SNX27: variants seen among roughly 807,000 people sequenced by gnomAD.
SNX27 encodes the protein sorting nexin-27.
A neutral mutation model predicts 71.6 loss-of-function variants in SNX27; 22 were observed. The observed-to-expected ratio is 0.31, with a 90% CI of 0.22 to 0.44. The LOEUF (loss-of-function observed/expected upper bound fraction) is 0.44. SNX27 is among the 20% of genes least tolerant of loss of function. SNX27 has a pLI of 1.00. For missense variants in SNX27, 531 were observed against 698.6 expected, an observed-to-expected ratio of 0.76 and a Z score of 2.70; for synonymous variants, 269 against 277.2, an observed-to-expected ratio of 0.97 and a Z score of 0.29.
intron 1 of SNX27, among the ~76,000 whole-genome samples, chr1:151,630,501 T>C (rs964168726): frequency 1.3e-5 from 2 of 152,198 alleles, no homozygotes; most frequent in African/African-American, 2.4e-5. Flanking sequence ...TCTCTTGTTG[T>C]GCTTTTATCA....
chr1:151,695,244 C>G lies in SNX27; in HGVS notation c.*827C>G, dbSNP rs1671648694. 6.6e-6 allele frequency: 1 copy of G among 152,006 alleles called. No homozygotes were observed. Among genetic ancestry groups the G allele is most frequent in the Non-Finnish European group, 1.5e-5 (1 of 67,976 alleles). 9.4% of individuals were successfully genotyped at this position (152,006 alleles called of 1,614,324 possible). ...TTGATTCTGTGACAATTTTTTTGAT[C>G]CATCTATTTCTCTCACTCCTGGCTT... On this transcript the variant is annotated 3_prime_UTR_variant, in exon 12 of 12. Transcript: ENST00000458013.
intron 1 of SNX27, among the ~76,000 whole-genome samples, chr1:151,626,080 G>A (rs531037308): frequency 1.3e-4 from 20 of 152,200 alleles, no homozygotes; most frequent in Admixed American, 4.6e-4. Context: ...AGTGAGCCGA[G>A]ATGGCGCCAC....
chr1:151,656,707 C>T (rs1045327903), intron 2 of SNX27, among the ~76,000 whole-genome samples: 2 of 152,164 alleles, frequency 1.3e-5, no homozygotes, highest in Non-Finnish European at 2.9e-5. Flanking sequence ...AATCCAGAAA[C>T]AACCCAAGTG....
intron 7 of SNX27, chr1:151,676,006 T>A (rs58983661): frequency 0.19 from 28,448 of 149,112 alleles, 3,067 homozygotes; most frequent in Middle Eastern, 0.34. Context: ...TTTACTTTTT[T>A]AAAAAAATAG....
chr1:151,688,592 A>C (rs949788449), intron 8 of SNX27, among the ~76,000 whole-genome samples: 1 of 150,142 alleles, frequency 6.7e-6, no homozygotes, highest in African/African-American at 2.5e-5. Context: ...AGATCATGCC[A>C]CTGCACTCCA....
At chr1:151,620,254 T>C (rs1667611023) in intron 1 of SNX27, among the ~76,000 whole-genome samples, 1 of 152,242 alleles carries the variant, frequency 6.6e-6, no homozygotes, top group Admixed American at 6.5e-5. Flanking sequence ...TTTTTCTCTT[T>C]ATGAGCTCAG....
intron 1 of SNX27, among the ~76,000 whole-genome samples, chr1:151,624,579 C>T (rs1667835499): frequency 6.6e-6 from 1 of 151,046 alleles, no homozygotes; most frequent in Non-Finnish European, 1.5e-5. Flanking sequence ...CTATAGGCAC[C>T]TGCCAGCACG....
chr1:151,678,561 A>G (rs1418575046), intron 7 of SNX27: 2 of 152,130 alleles, frequency 1.3e-5, no homozygotes, highest in Non-Finnish European at 2.9e-5. Flanking sequence ...TGCTGTGAAC[A>G]TGGGTGTGCA....
At chr1:151,644,957 A>G (rs2102646673) in intron 2 of SNX27, among the ~76,000 whole-genome samples, 1 of 151,944 alleles carries the variant, frequency 6.6e-6, no homozygotes, top group East Asian at 1.9e-4. Flanking sequence ...GCGCTACCAC[A>G]CCTGGCTAAT....
Position 151,693,491 on chromosome 1 carries a change from T to C in SNX27, c.1578+8T>C. 1 of 1,614,126 alleles carries C rather than the reference T, an allele frequency of 6.2e-7. No homozygotes were observed. Among genetic ancestry groups the C allele is most frequent in the Non-Finnish European group, 8.5e-7 (1 of 1,179,936 alleles). On this transcript the variant is annotated splice_region_variant and intron_variant, in intron 11 of 11. Transcript: ENST00000458013. The stretch of plus-strand genomic sequence containing the variant: ...CTCAAGTGGAGAAAAGAGGTAATTC[T>C]GAACAGTCCTTGAATTGACCTTTTC...
intron 3 of SNX27, chr1:151,659,692 A>G (rs1669870388): frequency 6.6e-6 from 1 of 151,836 alleles, no homozygotes; most frequent in South Asian, 2.1e-4. Context: ...AGTGCCTCCA[A>G]ATGATACATC....
intron 7 of SNX27, chr1:151,675,816 T>G (rs1442676539): frequency 1.1e-4 from 5 of 46,022 alleles, no homozygotes; most frequent in Non-Finnish European, 1.5e-4. Flanking sequence ...CTTTCTTTTT[T>G]TTTTTTTTTT....
chr1:151,616,770 T>A (rs1667443455), intron 1 of SNX27, among the ~76,000 whole-genome samples: 1 of 152,216 alleles, frequency 6.6e-6, no homozygotes, highest in African/African-American at 2.4e-5. Flanking sequence ...AAAGGAAATT[T>A]GTTTGGCAGC....
At chr1:151,679,207 A>T (rs960103631) in intron 7 of SNX27, 3 of 152,200 alleles carry the variant, frequency 2.0e-5, no homozygotes, top group Non-Finnish European at 4.4e-5. Flanking sequence ...CCATTATTTT[A>T]TGTATTGATA....
Position 151,692,432 on chromosome 1 carries a change from T to TTTTTTACC in SNX27, c.1240-3_1240-2insTTTTTACC. Reference sequence around the variant, plus strand: ...TTTTTTTTTTTTTTTTTTTTTTTTTTAGTACCTCAACATGCTAAGGACTTG... The same window carrying TTTTTTACC: ...TTTTTTTTTTTTTTTTTTTTTTTTTTTTTTTACCAGTACCTCAACATGCTAAGGACTTG... On this transcript the variant is annotated splice_polypyrimidine_tract_variant and splice_region_variant and intron_variant, in intron 8 of 11. Transcript: ENST00000458013. 6.9e-7 allele frequency: 1 copy of TTTTTTACC among 1,452,072 alleles called. No homozygotes were observed. The highest frequency in any genetic ancestry group is 9.1e-7 in the Non-Finnish European group (1 of 1,101,930). The allele number at this position is 1,452,072 out of a possible 1,614,324, so 89.9% of individuals were successfully genotyped here.
intron 2 of SNX27, among the ~76,000 whole-genome samples, chr1:151,652,671 A>G (rs150548161): frequency 6.6e-6 from 1 of 151,896 alleles, no homozygotes; most frequent in Non-Finnish European, 1.5e-5. Flanking sequence ...TCGACCTCCC[A>G]AAGTGCTGGA....
At chr1:151,662,358 A>C (rs1014761124) in intron 5 of SNX27, 88 bp downstream of exon 5, 7 of 757,738 alleles carry the variant, frequency 9.2e-6, no homozygotes, top group Non-Finnish European at 1.5e-5. Flanking sequence ...TAAAGTGCTT[A>C]GGGTGTCTGG....
chr1:151,667,380 A>C (rs181450506), intron 6 of SNX27: 24 of 152,308 alleles, frequency 1.6e-4, no homozygotes, highest in African/African-American at 5.3e-4. Flanking sequence ...CATTACTCAG[A>C]AGACAGTTTT....
At chr1:151,652,214 G>GAGAGGA (rs1361869785) in intron 2 of SNX27, among the ~76,000 whole-genome samples, 1 of 106,094 alleles carries the variant, frequency 9.4e-6, no homozygotes, top group Non-Finnish European at 2.0e-5. Context: ...TGGGGAGAGG[G>GAGAGGA]AGAGGGAGAG....
Sources: gnomAD v4.1 joint callset for allele counts (sites outside exome capture counted in the v4.1 genomes callset) on GRCh38, gnomAD v4.1.1 for gene constraint, MANE v1.5 for transcripts, NCBI Gene and HGNC (gene_info 2026-07-23, HGNC 2026-07-21) for gene names.